Variants in RPUSD2 observed in about 807,000 individuals in gnomAD.
RPUSD2 encodes RNA pseudouridine synthase domain containing 2.
RPUSD2 carries 31 observed loss-of-function variants against 41.5 expected under a neutral mutation model. The ratio of observed to expected loss-of-function variants is 0.75; its 90% CI spans 0.56 to 1.01. The LOEUF is 1.01. RPUSD2 is among the 50% of genes least tolerant of loss of function. The probability of loss-of-function intolerance (pLI) is 0.00; values close to 1 mark genes in which losing one functional copy is unlikely to be tolerated. For missense variants in RPUSD2, 749 were observed against 724.7 expected, an observed-to-expected ratio of 1.03 and a Z score of -0.38; for synonymous variants, 305 against 289.7, an observed-to-expected ratio of 1.05 and a Z score of -0.54.
At chr15:40,571,171 T>C (rs2141673192) in intron 1 of RPUSD2, among the ~76,000 whole-genome samples, 1 of 152,276 alleles carries the variant, frequency 6.6e-6, no homozygotes, top group East Asian at 1.9e-4. Context: ...TTTGTATTTT[T>C]AGTAGAGACA....
At position 40,571,714 on chromosome 15, in the gene RPUSD2, C is replaced by G. The variant is rs35916405; in HGVS notation, c.717C>G (p.Ser239=). Residue 239 remains serine (S), a synonymous_variant, in exon 2 of 3, where the codon TCC becomes TCG. Coordinates refer to ENST00000315616, the MANE Select transcript of RPUSD2 (RefSeq NM_152260.3). ...ATGTGGTGGTTGTAGACAAGCCTTC[C>G]TCCATTCCCGTTCACCCCTGTGGCC... The part of the protein sequence containing the change: ...NEDVVVVDKP[S]SIPVHPCGRF... 6.2e-5 allele frequency: 100 copies of G among 1,614,130 alleles called. No homozygotes were observed. Among genetic ancestry groups the G allele is most frequent in the Non-Finnish European group, 8.2e-5 (97 of 1,180,054 alleles).
At position 40,573,967 on chromosome 15, in the gene RPUSD2, G is replaced by T. The variant is rs1316683058; in HGVS notation, c.1344G>T (p.Glu448Asp). 6.2e-7 allele frequency: 1 copy of T among 1,614,178 alleles called. No individual in the cohort carries two copies. Among genetic ancestry groups the T allele is most frequent in the Admixed American group, 1.7e-5 (1 of 60,030 alleles). Residue 448 changes from glutamate to aspartate, a missense_variant, in exon 3 of 3, where the codon GAG becomes GAT. By Grantham distance (45) the Glu-to-Asp change is conservative (BLOSUM62 2). Coordinates refer to ENST00000315616, the MANE Select transcript of RPUSD2 (RefSeq NM_152260.3). ...CAGACTCTACGGCCCCCTCCTCAGAGTTGGGCAAGGACGACCTGGAAGAGT... is the reference window on the plus strand; with the variant it reads ...CAGACTCTACGGCCCCCTCCTCAGATTTGGGCAAGGACGACCTGGAAGAGT... ...GLTDSTAPSS[E>D]LGKDDLEELA...
At chr15:40,572,390 G>A (rs1171967395) in intron 2 of RPUSD2, among the ~76,000 whole-genome samples, 1 of 151,884 alleles carries the variant, frequency 6.6e-6, no homozygotes, top group Non-Finnish European at 1.5e-5. Context: ...GTGAAACCCC[G>A]TCTCTACTAA....
chr15:40,573,942 C>T lies in RPUSD2; in HGVS notation c.1319C>T (p.Thr440Ile), dbSNP rs958164325. Reference protein sequence around the residue: ...LCEGDLSPGLTDSTAPSSELG... With the variant: ...LCEGDLSPGLIDSTAPSSELG... ...GAGGGTGACCTGTCCCCAGGACTCA[C>T]AGACTCTACGGCCCCCTCCTCAGAG... The change falls in exon 3 of 3, where the codon ACA becomes ATA. Residue 440 changes from threonine to isoleucine, a missense_variant. Transcript: ENST00000315616. 6.2e-7 allele frequency: 1 copy of T among 1,614,188 alleles called. No individual in the cohort carries two copies. The highest frequency in any genetic ancestry group is 1.1e-5 in the South Asian group (1 of 91,086).
Position 40,574,031 on chromosome 15 carries a change from G to A in RPUSD2, c.1408G>A (p.Ala470Thr). Residue 470 changes from alanine to threonine, a missense_variant, in exon 3 of 3, where the codon GCA becomes ACA. Coordinates refer to ENST00000315616, the MANE Select transcript of RPUSD2 (RefSeq NM_152260.3). ...AAQKMEEVAE[A>T]APQELDTIAL... ...CCAGAAGATGGAGGAAGTAGCTGAG[G>A]CAGCCCCTCAGGAGTTGGACACAAT... The A allele has an allele frequency of 6.2e-7, 1 of 1,614,138 alleles. No homozygotes were observed. Among genetic ancestry groups the A allele is most frequent in the Non-Finnish European group, 8.5e-7 (1 of 1,180,020 alleles).
Position 40,573,515 on chromosome 15 carries a change from C to T in RPUSD2, c.904-12C>T. ...CTTTGTACTGACTTTCTCCCTCTTC[C>T]CTCCTATGTAGCTGGAGAAGGAGTA... On this transcript the variant is annotated splice_polypyrimidine_tract_variant and intron_variant, in intron 2 of 2. Coordinates refer to ENST00000315616, the MANE Select transcript of RPUSD2 (RefSeq NM_152260.3). 6.2e-7 allele frequency: 1 copy of T among 1,601,388 alleles called. No individual in the cohort carries two copies. Among genetic ancestry groups the T allele is most frequent in the Non-Finnish European group, 8.5e-7 (1 of 1,173,002 alleles).
Position 40,570,705 on chromosome 15 carries a change from A to G in RPUSD2, c.606+762A>G, listed in dbSNP as rs1482304267. On this transcript the variant is annotated intron_variant, in intron 1 of 2. Coordinates refer to ENST00000315616, the MANE Select transcript of RPUSD2 (RefSeq NM_152260.3). ...TTGGGGAATGGATGGTTTTGGAGTA[A>G]CTTGTTCCATTGATCAATCGATTTG... Among the ~76,000 whole-genome samples the G allele has an allele frequency of 2.6e-5, 4 of 152,200 alleles. No homozygotes were observed. The East Asian group carries it at 5.8e-4, about 22-fold the overall frequency.
Position 40,573,747 on chromosome 15 carries a change from A to G in RPUSD2, c.1124A>G (p.His375Arg), listed in dbSNP as rs1050317003. ...GGCCGCACACACCAGATTCGAGTCC[A>G]CCTTCAGTTCTTGGGCCATCCCATT... ...LTGRTHQIRV[H>R]LQFLGHPILN... Residue 375 changes from histidine (H) to arginine (R), a missense_variant, in exon 3 of 3, where the codon CAC (histidine) becomes CGC (arginine). By Grantham distance (29) the His-to-Arg change is conservative (BLOSUM62 0). Coordinates refer to ENST00000315616, the MANE Select transcript of RPUSD2 (RefSeq NM_152260.3). The G allele has an allele frequency of 2.5e-6, 4 of 1,614,154 alleles. No individual in the cohort carries two copies. The highest frequency in any genetic ancestry group is 1.1e-5 in the South Asian group (1 of 91,088).
chr15:40,571,660 G>A lies in RPUSD2; in HGVS notation c.663G>A (p.Glu221=), dbSNP rs1891141509. 1 of 1,614,104 alleles carries A rather than the reference G, an allele frequency of 6.2e-7. No individual in the cohort carries two copies. Among genetic ancestry groups the A allele is most frequent in the African/African-American group, 1.3e-5 (1 of 74,946 alleles). Residue 221 remains glutamate (E), a synonymous_variant, in exon 2 of 3, where the codon GAG becomes GAA. Coordinates refer to ENST00000315616, the MANE Select transcript of RPUSD2 (RefSeq NM_152260.3). ...VHRHEPPVTA[E]PIRLLAENED... ...GGCATGAGCCACCAGTCACAGCAGAGCCCATTCGCCTGCTAGCTGAGAACG... is the reference window on the plus strand; with the variant it reads ...GGCATGAGCCACCAGTCACAGCAGAACCCATTCGCCTGCTAGCTGAGAACG...
At chr15:40,571,985 G>A in intron 2 of RPUSD2, 85 bp downstream of exon 2, 1 of 1,395,632 alleles carries the variant, frequency 7.2e-7, no homozygotes, top group Non-Finnish European at 9.8e-7. Flanking sequence ...GTTCCGAAGT[G>A]GTCCTTCATA....
chr15:40,570,111 A>T (rs1891107529), intron 1 of RPUSD2, 168 bp downstream of exon 1: 2 of 956,108 alleles, frequency 2.1e-6, no homozygotes, highest in East Asian at 5.7e-5. Flanking sequence ...CCCGTTTCCC[A>T]CCTCCGCAAG....
At position 40,571,861 on chromosome 15, in the gene RPUSD2, A is replaced by G. The variant is rs1246493891; in HGVS notation, c.864A>G (p.Ala288=). The change falls in exon 2 of 3, where the codon GCA becomes GCG. Residue 288 remains alanine, a synonymous_variant. Transcript: ENST00000315616. ...TGCTTATGTTTGCCAAGACAGCTGCAGTCTCTGAGAGAATTCACGAGCAGG... is the reference window on the plus strand; with the variant it reads ...TGCTTATGTTTGCCAAGACAGCTGCGGTCTCTGAGAGAATTCACGAGCAGG... ...SGVLMFAKTA[A]VSERIHEQVR... is the part of the protein sequence containing the mutation. 3 of 1,614,110 alleles carry G rather than the reference A, an allele frequency of 1.9e-6. No individual in the cohort carries two copies. Among genetic ancestry groups the G allele is most frequent in the African/African-American group, 1.3e-5 (1 of 75,058 alleles).
At position 40,573,813 on chromosome 15, in the gene RPUSD2, C is replaced by A. The variant is rs897482452; in HGVS notation, c.1190C>A (p.Ser397Tyr). 2 of 1,614,230 alleles carry A rather than the reference C, an allele frequency of 1.2e-6. No homozygotes were observed. The highest frequency in any genetic ancestry group is 4.5e-5 in the East Asian group (2 of 44,894). Reference sequence around the variant, plus strand: ...TACAACTCAGTTGCCTGGGGTCCTTCTCGAGGCCGGGGCGGCTACATTCCC... The same window carrying A: ...TACAACTCAGTTGCCTGGGGTCCTTATCGAGGCCGGGGCGGCTACATTCCC... ...PIYNSVAWGP[S>Y]RGRGGYIPKT... is the part of the protein sequence containing the mutation. Residue 397 changes from serine to tyrosine, a missense_variant, in exon 3 of 3, where the codon TCT becomes TAT. By Grantham distance (144) the Ser-to-Tyr change is moderately radical. Transcript: ENST00000315616.
In RPUSD2 at chr15:40,574,244, G is replaced by T; in HGVS notation, c.1621G>T (p.Asp541Tyr). ...FSPMPAWAQD[D>Y]WQKD Reference sequence around the variant, plus strand: ...ACCAATGCCTGCCTGGGCACAGGATGACTGGCAAAAGGACTGAGGGTGTGG... The same window carrying T: ...ACCAATGCCTGCCTGGGCACAGGATTACTGGCAAAAGGACTGAGGGTGTGG... Residue 541 changes from aspartate to tyrosine, a missense_variant, in exon 3 of 3, where the codon GAC becomes TAC. Asp to Tyr is a radical substitution (Grantham distance 160). Transcript: ENST00000315616. The T allele has an allele frequency of 6.2e-7, 1 of 1,611,624 alleles. No homozygotes were observed. Among genetic ancestry groups the T allele is most frequent in the South Asian group, 1.1e-5 (1 of 90,898 alleles).
chr15:40,571,314 A>C (rs1351923811), intron 1 of RPUSD2, among the ~76,000 whole-genome samples: 1 of 152,252 alleles, frequency 6.6e-6, no homozygotes, highest in Non-Finnish European at 1.5e-5. Flanking sequence ...CCTTTATTGT[A>C]GAGAAAATAC....
chr15:40,572,473 G>A (rs1413195289), intron 2 of RPUSD2, among the ~76,000 whole-genome samples: 1 of 151,994 alleles, frequency 6.6e-6, no homozygotes, highest in African/African-American at 2.4e-5. Context: ...GGCTGAGGCA[G>A]GAGAATGGTG....
intron 1 of RPUSD2, among the ~76,000 whole-genome samples, chr15:40,570,637 T>C (rs1891116318): frequency 6.6e-6 from 1 of 152,172 alleles, no homozygotes; most frequent in Non-Finnish European, 1.5e-5. Flanking sequence ...TCAGTAACAC[T>C]AGTTTACCAT....
intron 2 of RPUSD2, among the ~76,000 whole-genome samples, chr15:40,573,009 TC>T (rs1891173538): frequency 7.8e-6 from 1 of 128,546 alleles, no homozygotes; most frequent in Non-Finnish European, 1.6e-5. Flanking sequence ...TAAATGCTTT[TC>T]TTTTCTTTTC....
Position 40,574,229 on chromosome 15 carries a change from G to A in RPUSD2, c.1606G>A (p.Ala536Thr), listed in dbSNP as rs1406749650. 2 of 1,612,568 alleles carry A rather than the reference G, an allele frequency of 1.2e-6. No individual in the cohort carries two copies. The highest frequency in any genetic ancestry group is 1.7e-6 in the Non-Finnish European group (2 of 1,179,870). Residue 536 changes from alanine to threonine, a missense_variant, in exon 3 of 3, where the codon GCC (alanine) becomes ACC (threonine). Physicochemically the swap from Ala to Thr is moderately conservative, Grantham distance 58. Transcript: ENST00000315616. ...PGFEYFSPMPAWAQDDWQKD is the reference protein window; with the variant it reads ...PGFEYFSPMPTWAQDDWQKD ...CTTTGAGTACTTTTCACCAATGCCTGCCTGGGCACAGGATGACTGGCAAAA... is the reference window on the plus strand; with the variant it reads ...CTTTGAGTACTTTTCACCAATGCCTACCTGGGCACAGGATGACTGGCAAAA...
Sources: gnomAD v4.1 joint callset for allele counts (sites outside exome capture counted in the v4.1 genomes callset) on GRCh38, gnomAD v4.1.1 for gene constraint, MANE v1.5 for transcripts, NCBI Gene and HGNC (gene_info 2026-07-23, HGNC 2026-07-21) for gene names.